Variants in CAST observed in about 807,000 individuals in gnomAD.
The protein encoded by CAST is MIR583 host.
CAST carries 76 observed loss-of-function variants against 119.6 expected under a neutral mutation model. The observed-to-expected ratio is 0.64, with a 90% confidence interval of 0.53 to 0.77. The LOEUF (loss-of-function observed/expected upper bound fraction) is 0.77. Among genes scored for constraint, CAST ranks in the 30% least tolerant of loss-of-function variants. The pLI is 0.00. For synonymous variants in CAST, 319 were observed against 331.6 expected (o/e 0.96, Z 0.41); for missense variants, 953 against 946.5 (o/e 1.01, Z -0.09).
intron 1 of CAST, among the ~76,000 whole-genome samples, chr5:96,667,107 G>T (rs560562069): frequency 6.6e-6 from 1 of 152,224 alleles, no homozygotes; most frequent in South Asian, 2.1e-4. Flanking sequence ...TGCAAGAACA[G>T]TTCCATCCAA....
rs1399241056 is a variant in CAST, at chr5:96,722,679, T to C, written c.251T>C (p.Met84Thr). ...GGTGCAACCAGCAAGTCTTCCAGTA[T>C]GAATCCCACAGAAACCAAGGTATGA... ...SSGATSKSSS[M>T]NPTETKAIPV... The change falls in exon 4 of 32, where the codon ATG becomes ACG. Residue 84 changes from methionine to threonine, a missense_variant. Transcript: ENST00000675179. 6.2e-7 allele frequency: 1 copy of C among 1,612,824 alleles called. No individual in the cohort carries two copies. Among genetic ancestry groups the C allele is most frequent in the Non-Finnish European group, 8.5e-7 (1 of 1,178,888 alleles).
At chr5:96,063,618 T>C in the CAST span, among the ~76,000 whole-genome samples, 3 of 152,158 alleles carry the variant, frequency 2.0e-5, no homozygotes, top group Non-Finnish European at 4.4e-5. Flanking sequence ...AGAGACCCCA[T>C]TCAAACTCTT....
chr5:96,457,300 A>G, the CAST span, among the ~76,000 whole-genome samples: 1 of 152,052 alleles, frequency 6.6e-6, no homozygotes, highest in East Asian at 1.9e-4. Flanking sequence ...CCGAAACAAC[A>G]CTTTAAGTCA....
chr5:96,743,619 G>A, intron 16 of CAST: 1 of 1,612,338 alleles, frequency 6.2e-7, no homozygotes, highest in South Asian at 1.1e-5. Context: ...GGACTGCCCT[G>A]GCCTAAGATG....
chr5:96,269,762 G>T, the CAST span, among the ~76,000 whole-genome samples: 2 of 152,072 alleles, frequency 1.3e-5, no homozygotes, highest in African/African-American at 4.8e-5. Context: ...GTAATAAAAA[G>T]TATCGCATCA....
chr5:96,370,381 A>G, the CAST span, among the ~76,000 whole-genome samples: 80 of 152,258 alleles, frequency 5.3e-4, 1 homozygote, highest in African/African-American at 1.8e-3. Context: ...AGCAGCTGTA[A>G]CAGGGTAGTG....
At chr5:96,287,937 G>A in the CAST span, among the ~76,000 whole-genome samples, 741 of 152,164 alleles carry the variant, frequency 4.9e-3, 3 homozygotes, top group African/African-American at 0.016. Flanking sequence ...ATCTTTTTAC[G>A]GTGGGATTTT....
At chr5:96,485,295 C>T in the CAST span, among the ~76,000 whole-genome samples, 1 of 152,158 alleles carries the variant, frequency 6.6e-6, no homozygotes. Context: ...ATCAACTCCT[C>T]TTCTTTGAAG....
At chr5:96,077,332 A>G in the CAST span, among the ~76,000 whole-genome samples, 2 of 152,202 alleles carry the variant, frequency 1.3e-5, no homozygotes, top group African/African-American at 4.8e-5. Context: ...TTTAAAGTGT[A>G]TATAGCATGA....
chr5:96,560,535 G>C (rs577308587), intron 1 of CAST, among the ~76,000 whole-genome samples: 89 of 152,272 alleles, frequency 5.8e-4, no homozygotes, highest in African/African-American at 1.9e-3. Context: ...TCAAAAAGTG[G>C]GCAAAGGATG....
rs138869832 is a variant in CAST at position 96,554,634 on chromosome 5, G to C, written c.60+24754G>C. Among the ~76,000 whole-genome samples the C allele has an allele frequency of 6.5e-3, 984 of 152,208 alleles. 13 individuals carry two copies. Among genetic ancestry groups the C allele is most frequent in the African/African-American group, 0.023 (948 of 41,534 alleles). ...TGAACAGGCAACCTACAGAATGGGA[G>C]AAAATTTTTCAATCTATCCTTTTGA... On this transcript the variant is annotated intron_variant, in intron 1 of 11. Coordinates refer to the CAST transcript ENST00000505143.
the CAST span, among the ~76,000 whole-genome samples, chr5:96,013,771 A>T: frequency 7.2e-5 from 11 of 152,198 alleles, no homozygotes; most frequent in South Asian, 2.1e-4. Context: ...AACATAAAAA[A>T]GTACAGTAAA....
At chr5:96,598,274 A>G (rs1405948730) in intron 1 of CAST, among the ~76,000 whole-genome samples, 1 of 152,158 alleles carries the variant, frequency 6.6e-6, no homozygotes, top group Non-Finnish European at 1.5e-5. Flanking sequence ...CATGAAAATA[A>G]CTTTTTTTTG....
At chr5:95,991,282 G>A in the CAST span, among the ~76,000 whole-genome samples, 4 of 152,044 alleles carry the variant, frequency 2.6e-5, no homozygotes, top group East Asian at 1.9e-4. Flanking sequence ...TTTGTTTCAC[G>A]ATCACAGGCT....
the CAST span, among the ~76,000 whole-genome samples, chr5:96,518,509 G>A: frequency 6.6e-6 from 1 of 152,078 alleles, no homozygotes; most frequent in Admixed American, 6.5e-5. Context: ...CTCAAGGGTG[G>A]GACCCATTTA....
the CAST span, among the ~76,000 whole-genome samples, chr5:96,208,650 T>C: frequency 7.6e-4 from 115 of 152,172 alleles, no homozygotes; most frequent in Non-Finnish European, 1.4e-3. Context: ...GTAATCTTCT[T>C]GGTACTGTTT....
chr5:96,170,846 G>C, the CAST span, among the ~76,000 whole-genome samples: 2 of 152,212 alleles, frequency 1.3e-5, no homozygotes, highest in Non-Finnish European at 2.9e-5. Context: ...GAGAGGGCTA[G>C]TTGCGGAACG....
At chr5:96,586,810 TTAA>T (rs1160330011) in intron 1 of CAST, among the ~76,000 whole-genome samples, 1 of 152,330 alleles carries the variant, frequency 6.6e-6, no homozygotes, top group East Asian at 1.9e-4. Flanking sequence ...GAGAAGACAA[TTAA>T]TAATCTTACT....
At chr5:96,146,456 G>T in the CAST span, among the ~76,000 whole-genome samples, 6 of 152,228 alleles carry the variant, frequency 3.9e-5, no homozygotes, top group Non-Finnish European at 7.3e-5. Flanking sequence ...CTCAGGCAGG[G>T]CCTGGGAATT....
Sources: gnomAD v4.1 joint callset for allele counts (sites outside exome capture counted in the v4.1 genomes callset) on GRCh38, gnomAD v4.1.1 for gene constraint, MANE v1.5 for transcripts, NCBI Gene and HGNC (gene_info 2026-07-23, HGNC 2026-07-21) for gene names.